The following PDE11A variants were observed in gnomAD, a reference collection of about 807,000 sequenced individuals.
The protein encoded by PDE11A is phosphodiesterase 11A.
PDE11A carries 100 observed loss-of-function variants against 100.5 expected under a neutral mutation model. The ratio of observed to expected loss-of-function variants is 1.00; its 90% CI spans 0.85 to 1.18. PDE11A has a LOEUF of 1.18. Ranked by LOEUF, PDE11A falls within the 50% of genes most tolerant of loss-of-function variation. The probability of loss-of-function intolerance (pLI) is 0.00; values close to 1 mark genes in which losing one functional copy is unlikely to be tolerated. For synonymous variants in PDE11A, 381 were observed against 420.8 expected, an observed-to-expected ratio of 0.91 and a Z score of 1.16; for missense variants, 1,141 against 1,152.6, an observed-to-expected ratio of 0.99 and a Z score of 0.15.
chr2:177,825,850 A>G (rs2083219168), intron 6 of PDE11A, among the ~76,000 whole-genome samples: 1 of 152,192 alleles, frequency 6.6e-6, no homozygotes, highest in South Asian at 2.1e-4. Flanking sequence ...AACATTGGTT[A>G]TCTTCATATT....
intron 10 of PDE11A, among the ~76,000 whole-genome samples, chr2:177,731,507 TC>T (rs2081689699): frequency 1.3e-5 from 2 of 152,160 alleles, no homozygotes; most frequent in African/African-American, 4.8e-5. Context: ...AGCATTGGTT[TC>T]CTGTTCATTC....
rs1392029289 is a variant in PDE11A, at chr2:177,701,224, A to T, written c.2154-13T>A. ...GGCAGAGCCACTCCTGAAAGAGGAC[A>T]GAGGGTGAGTGAGCAGGGCCTATCG... On this transcript the variant is annotated splice_polypyrimidine_tract_variant and intron_variant, in intron 13 of 19. Transcript: ENST00000286063. The T allele has an allele frequency of 7.4e-7, 1 of 1,348,612 alleles. No homozygotes were observed. Among genetic ancestry groups the T allele is most frequent in the Non-Finnish European group, 1.1e-6 (1 of 937,788 alleles). 83.5% of individuals were successfully genotyped at this position (1,348,612 alleles called of 1,614,324 possible).
chr2:177,779,359 G>A (rs905872342), intron 9 of PDE11A, among the ~76,000 whole-genome samples: 4 of 152,168 alleles, frequency 2.6e-5, no homozygotes, highest in Non-Finnish European at 5.9e-5. Context: ...ATAAGACAAT[G>A]AGGTTTGCAC....
chr2:177,735,225 A>G (rs1187234086), intron 10 of PDE11A, among the ~76,000 whole-genome samples: 1 of 152,234 alleles, frequency 6.6e-6, no homozygotes, highest in Non-Finnish European at 1.5e-5. Context: ...CCAAACTGTC[A>G]TTAAACCTCA....
At chr2:177,698,303 C>A (rs1261891893) in intron 14 of PDE11A, 1 of 152,150 alleles carries the variant, frequency 6.6e-6, no homozygotes, top group Non-Finnish European at 1.5e-5. Flanking sequence ...CCCTTGTTTT[C>A]ATCAAAATTT....
At chr2:178,031,668 T>C (rs1451923614) in intron 1 of PDE11A, among the ~76,000 whole-genome samples, 4 of 152,034 alleles carry the variant, frequency 2.6e-5, no homozygotes, top group Non-Finnish European at 5.9e-5. Flanking sequence ...GAAGATTAAA[T>C]TGGAAAAAAA....
intron 2 of PDE11A, among the ~76,000 whole-genome samples, chr2:177,925,976 G>C (rs901373786): frequency 6.6e-6 from 1 of 152,196 alleles, no homozygotes; most frequent in African/African-American, 2.4e-5. Context: ...CCTGGGTTCT[G>C]TCACAGTCAC....
At chr2:177,695,430 A>G (rs1173516708) in intron 15 of PDE11A, among the ~76,000 whole-genome samples, 1 of 152,200 alleles carries the variant, frequency 6.6e-6, no homozygotes, top group African/African-American at 2.4e-5. Flanking sequence ...TCTATTCTAA[A>G]AAAGTATTTA....
intron 2 of PDE11A, among the ~76,000 whole-genome samples, chr2:178,092,042 C>CT (rs1355448439): frequency 6.6e-6 from 1 of 152,110 alleles, no homozygotes; most frequent in African/African-American, 2.4e-5. Context: ...GTAAGATCAA[C>CT]TATGTGACCT....
At chr2:177,744,611 A>G (rs1344919) in intron 10 of PDE11A, among the ~76,000 whole-genome samples, 108,785 of 152,048 alleles carry the variant, frequency 0.72, 40,279 homozygotes, top group East Asian at 0.86. Context: ...GGATGCTTTC[A>G]AGCTCAATGG....
intron 9 of PDE11A, among the ~76,000 whole-genome samples, chr2:177,784,174 G>T (rs1276727054): frequency 6.6e-6 from 1 of 151,378 alleles, no homozygotes; most frequent in African/African-American, 2.4e-5. Context: ...AATTCAGCAG[G>T]ACTTGTTTCA....
At chr2:177,652,936 A>T (rs1036883216) in intron 19 of PDE11A, among the ~76,000 whole-genome samples, 12 of 152,020 alleles carry the variant, frequency 7.9e-5, no homozygotes, top group African/African-American at 2.7e-4. Context: ...CATTCTGTGG[A>T]CCTTATCTGT....
At chr2:177,806,512 T>C (rs1279726895) in intron 9 of PDE11A, among the ~76,000 whole-genome samples, 1 of 152,212 alleles carries the variant, frequency 6.6e-6, no homozygotes, top group Non-Finnish European at 1.5e-5. Context: ...ATATCCTCTT[T>C]ATGAGAAATA....
chr2:177,790,677 T>A (rs956562023), intron 9 of PDE11A, among the ~76,000 whole-genome samples: 1 of 151,632 alleles, frequency 6.6e-6, no homozygotes, highest in Non-Finnish European at 1.5e-5. Context: ...TACAATAAAC[T>A]CAAACAAATT....
At chr2:177,773,827 G>T (rs2082344436) in intron 9 of PDE11A, among the ~76,000 whole-genome samples, 1 of 152,120 alleles carries the variant, frequency 6.6e-6, no homozygotes. Flanking sequence ...TGAAGGACTG[G>T]GCCCTATTGC....
intron 2 of PDE11A, among the ~76,000 whole-genome samples, chr2:177,913,880 A>G (rs370298666): frequency 1.4e-4 from 21 of 152,242 alleles, no homozygotes; most frequent in African/African-American, 5.1e-4. Context: ...CTTCTGTTTG[A>G]CAGTTTCCTA....
At chr2:177,921,465 T>C (rs1238065320) in intron 2 of PDE11A, among the ~76,000 whole-genome samples, 6 of 144,668 alleles carry the variant, frequency 4.1e-5, no homozygotes, top group Non-Finnish European at 9.0e-5. Context: ...AATTCTCATC[T>C]AAAAGCAAAA....
chr2:177,878,170 A>C lies in PDE11A; in HGVS notation c.1303-2247T>G, dbSNP rs1372706922. Reference sequence around the variant, plus strand: ...GAAATACCCTTGACAACTATAGAACATATTTCATTTCATATTGTAATATGA... The same window carrying C: ...GAAATACCCTTGACAACTATAGAACCTATTTCATTTCATATTGTAATATGA... On this transcript the variant is annotated intron_variant, in intron 4 of 19. Transcript: ENST00000286063. Among the ~76,000 whole-genome samples, 4 of 152,174 alleles carry C rather than the reference A, an allele frequency of 2.6e-5. No homozygotes were observed. The East Asian group carries it at 7.7e-4, about 29-fold the overall frequency.
chr2:178,065,766 A>T (rs1188464300), intron 1 of PDE11A, among the ~76,000 whole-genome samples: 1 of 152,156 alleles, frequency 6.6e-6, no homozygotes, highest in East Asian at 1.9e-4. Context: ...ACTCAATAAC[A>T]TGAGTGTAGA....
Sources: gnomAD v4.1 joint callset for allele counts (sites outside exome capture counted in the v4.1 genomes callset) on GRCh38, gnomAD v4.1.1 for gene constraint, MANE v1.5 for transcripts, NCBI Gene and HGNC (gene_info 2026-07-23, HGNC 2026-07-21) for gene names.